Variants in ZNF600 observed in about 807,000 individuals in gnomAD.
ZNF600 encodes zinc finger protein 600.
In ZNF600, 4 loss-of-function variants were observed where a neutral mutation model predicts 7.3. That is an observed-to-expected ratio of 0.55 (90% CI 0.27 to 1.25). ZNF600 has a LOEUF of 1.25. Among genes scored for constraint, ZNF600 ranks in the 50% most tolerant of loss-of-function variants. ZNF600 has a pLI of 0.12. For missense variants in ZNF600, 911 were observed against 922.1 expected (o/e 0.99, Z 0.16); for synonymous variants, 290 against 308.9 (o/e 0.94, Z 0.64).
intron 2 of ZNF600, among the ~76,000 whole-genome samples, chr19:52,777,228 A>G (rs1453815751): frequency 1.3e-5 from 2 of 151,520 alleles, no homozygotes; most frequent in African/African-American, 4.8e-5. Context: ...AATACAAAAA[A>G]TTAAACAGGC....
chr19:52,774,517 A>C, intron 3 of ZNF600, 58 bp downstream of exon 5: 5 of 983,786 alleles, frequency 5.1e-6, no homozygotes, highest in Non-Finnish European at 6.0e-6. Context: ...CAAAACCAGG[A>C]AGGGCCAAGA....
At position 52,778,982 on chromosome 19, in the gene ZNF600, G is replaced by A. The variant is rs117223348; in HGVS notation, c.-19-75C>T. ...TCCTGTGACAAAACCACATGAACAG[G>A]GGAGACCTCACCCAGCAGAAAGAAG... On this transcript the variant is annotated intron_variant, in intron 1 of 3. Transcript: ENST00000648973. 988 of 1,375,602 alleles carry A rather than the reference G, an allele frequency of 7.2e-4. 19 individuals are homozygous for A. In the East Asian group the frequency reaches 0.023, roughly 33 times the overall value. 85.2% of individuals were successfully genotyped at this position (1,375,602 alleles called of 1,614,324 possible). A position where few individuals can be genotyped will look rare whatever the true frequency, so the allele number is the denominator to read the frequency against.
chr19:52,810,546 G>C, the ZNF600 span: 1 of 1,596,110 alleles, frequency 6.3e-7, no homozygotes, highest in Non-Finnish European at 8.6e-7. Context: ...AACAGACCAG[G>C]CATCAGCACA....
chr19:52,818,018 T>G, the ZNF600 span: 1 of 1,606,902 alleles, frequency 6.2e-7, no homozygotes, highest in Non-Finnish European at 8.5e-7. Context: ...ACCAAGATTC[T>G]TTAGAAGTCA....
At chr19:52,777,481 T>C (rs1215909622) in intron 2 of ZNF600, among the ~76,000 whole-genome samples, 1 of 151,808 alleles carries the variant, frequency 6.6e-6, no homozygotes, top group Non-Finnish European at 1.5e-5. Flanking sequence ...ATCAAGGCTA[T>C]AGTGAGCTAT....
At chr19:52,804,632 A>T in the ZNF600 span, among the ~76,000 whole-genome samples, 87 of 152,260 alleles carry the variant, frequency 5.7e-4, no homozygotes, top group African/African-American at 1.9e-3. Context: ...CAGTCTCCCA[A>T]AGTGCCAGGA....
the ZNF600 span, among the ~76,000 whole-genome samples, chr19:52,820,053 C>G: frequency 6.9e-6 from 1 of 143,924 alleles, no homozygotes; most frequent in Non-Finnish European, 1.5e-5. Context: ...GAAACCCTAT[C>G]TCTACTAGAA....
chr19:52,831,881 A>G, the ZNF600 span, among the ~76,000 whole-genome samples: 82,533 of 151,542 alleles, frequency 0.54, 24,602 homozygotes, highest in African/African-American at 0.79. Flanking sequence ...CACCCGACTC[A>G]GCCTCCCAAA....
the ZNF600 span, among the ~76,000 whole-genome samples, chr19:52,817,196 A>C: frequency 2.6e-5 from 4 of 152,072 alleles, no homozygotes; most frequent in African/African-American, 9.7e-5. Flanking sequence ...AACATGGAGA[A>C]ACCTCGTCTC....
At chr19:52,778,956 A>T (rs1005651917) in intron 1 of ZNF600, 49 bp from the exon 4 acceptor site, 77 of 1,524,506 alleles carry the variant, frequency 5.1e-5, no homozygotes, top group South Asian at 4.4e-4. Flanking sequence ...ACTCACTCCC[A>T]TCCTGTGACA....
At chr19:52,793,761 C>T in the ZNF600 span, among the ~76,000 whole-genome samples, 1 of 134,450 alleles carries the variant, frequency 7.4e-6, no homozygotes, top group African/African-American at 2.8e-5. Flanking sequence ...GAGCCAAACT[C>T]TGCCACACAC....
At chr19:52,818,461 C>T in the ZNF600 span, among the ~76,000 whole-genome samples, 73 of 152,164 alleles carry the variant, frequency 4.8e-4, no homozygotes, top group African/African-American at 1.7e-3. Context: ...GCCTGTAATA[C>T]CAACACTCTG....
chr19:52,790,474 G>A (rs985688151), upstream of ZNF600, among the ~76,000 whole-genome samples: 1 of 151,948 alleles, frequency 6.6e-6, no homozygotes, highest in Non-Finnish European at 1.5e-5. Context: ...TTCAGCTTGG[G>A]CAACAGAGCG....
chr19:52,797,710 TAA>T, the ZNF600 span: 1 of 153,240 alleles, frequency 6.5e-6, no homozygotes, highest in Non-Finnish European at 1.5e-5. Flanking sequence ...TAAAAACATA[TAA>T]ATACACATAC....
At chr19:52,779,599 A>G (rs1358655904) in intron 1 of ZNF600, among the ~76,000 whole-genome samples, 1 of 152,164 alleles carries the variant, frequency 6.6e-6, no homozygotes, top group Non-Finnish European at 1.5e-5. Context: ...GTGAAAGGAA[A>G]TAAATCTTCG....
intron 1 of ZNF600, among the ~76,000 whole-genome samples, chr19:52,782,479 C>T (rs529580581): frequency 1.1e-4 from 17 of 151,558 alleles, no homozygotes; most frequent in African/African-American, 3.4e-4. Flanking sequence ...GCCAACATCA[C>T]GCCATTGCAC....
chr19:52,811,887 T>TG, the ZNF600 span, among the ~76,000 whole-genome samples: 9 of 101,470 alleles, frequency 8.9e-5, no homozygotes, highest in South Asian at 3.8e-4. Flanking sequence ...GGGAGGGAGG[T>TG]GGGGGGGACA....
chr19:52,828,833 A>T, the ZNF600 span, among the ~76,000 whole-genome samples: 12 of 152,154 alleles, frequency 7.9e-5, no homozygotes, highest in African/African-American at 2.9e-4. Context: ...CTCATGAATA[A>T]GACCAGTGCC....
At chr19:52,764,451 A>AT (rs2062552744), downstream of ZNF600, 1 of 149,908 alleles carries the variant, frequency 6.7e-6, no homozygotes, top group Admixed American at 6.7e-5. Context: ...ACCTTAGGTG[A>AT]TCCACTCACA....
Sources: allele counts gnomAD v4.1 joint callset (sites outside exome capture counted in the v4.1 genomes callset), GRCh38; gene constraint gnomAD v4.1.1; transcripts MANE v1.5; gene names NCBI Gene and HGNC (gene_info 2026-07-23, HGNC 2026-07-21).